Variants in DACH1 observed in about 807,000 individuals in gnomAD.
DACH1 encodes the protein dachshund homolog 1.
DACH1 carries 12 observed loss-of-function variants against 54.2 expected under a neutral mutation model. That is an observed-to-expected ratio of 0.22 (90% CI 0.14 to 0.36). DACH1 has a LOEUF of 0.36. DACH1 is among the 10% of genes least tolerant of loss of function. The probability of loss-of-function intolerance (pLI) is 1.00; values close to 1 mark genes in which losing one functional copy is unlikely to be tolerated. For missense variants in DACH1, 805 were observed against 929.8 expected (o/e 0.87, Z 1.75); for synonymous variants, 386 against 366.2 (o/e 1.05, Z -0.62).
intron 2 of DACH1, among the ~76,000 whole-genome samples, chr13:71,676,646 AAAAG>A (rs1880593971): frequency 6.6e-6 from 1 of 152,250 alleles, no homozygotes; most frequent in Non-Finnish European, 1.5e-5. Context: ...TTAGTAGAAA[AAAAG>A]AAAATTAAAT....
At chr13:71,489,801 A>G (rs1878838694) in intron 6 of DACH1, among the ~76,000 whole-genome samples, 1 of 152,126 alleles carries the variant, frequency 6.6e-6, no homozygotes, top group Non-Finnish European at 1.5e-5. Flanking sequence ...TTCCATACAT[A>G]AAAAACGGTA....
chr13:71,781,564 G>A (rs1886380610), intron 1 of DACH1, among the ~76,000 whole-genome samples: 1 of 151,770 alleles, frequency 6.6e-6, no homozygotes, highest in Non-Finnish European at 1.5e-5. Flanking sequence ...ATTTTTAGTA[G>A]AGACGGGGTT....
intron 3 of DACH1, among the ~76,000 whole-genome samples, chr13:71,613,006 G>A (rs1300812984): frequency 6.6e-6 from 1 of 152,216 alleles, no homozygotes; most frequent in Non-Finnish European, 1.5e-5. Flanking sequence ...TCTCAGGAAG[G>A]ACGATGGTTA....
At chr13:71,820,105 G>GAAAAAAAA (rs59126150) in intron 1 of DACH1, among the ~76,000 whole-genome samples, 212 of 53,794 alleles carry the variant, frequency 3.9e-3, no homozygotes, top group East Asian at 4.6e-3. Flanking sequence ...TGCCTCTACC[G>GAAAAAAAA]AAAAAAAAAA....
intron 10 of DACH1, 116 bp from the exon 11 acceptor site, chr13:71,440,808 T>C (rs1044567827): frequency 1.3e-6 from 1 of 748,126 alleles, no homozygotes; most frequent in Admixed American, 2.9e-5. Flanking sequence ...CTTTACTTGG[T>C]TAAGAAGTAA....
At chr13:71,842,302 C>T (rs1166896648) in intron 1 of DACH1, among the ~76,000 whole-genome samples, 4 of 152,026 alleles carry the variant, frequency 2.6e-5, no homozygotes, top group South Asian at 2.1e-4. Flanking sequence ...TATGGTCGGG[C>T]GTGGTGGCTC....
At chr13:71,630,032 A>G (rs1566391165) in intron 3 of DACH1, among the ~76,000 whole-genome samples, 1 of 152,086 alleles carries the variant, frequency 6.6e-6, no homozygotes, top group African/African-American at 2.4e-5. Flanking sequence ...AAGAAAATTA[A>G]AGTCATATTT....
At chr13:71,865,833 G>A in intron 1 of DACH1, 89 bp downstream of exon 1, 1 of 1,345,020 alleles carries the variant, frequency 7.4e-7, no homozygotes, top group Non-Finnish European at 9.5e-7. Context: ...CGGGCGCGCA[G>A]AGCGAGCGGC....
At chr13:71,612,661 G>A (rs1400153853) in intron 3 of DACH1, among the ~76,000 whole-genome samples, 7 of 152,052 alleles carry the variant, frequency 4.6e-5, no homozygotes, top group South Asian at 4.1e-4. Flanking sequence ...CAATATTAAC[G>A]TTTTATGTTC....
chr13:71,552,574 G>A (rs1413969411), intron 6 of DACH1, among the ~76,000 whole-genome samples: 1 of 151,220 alleles, frequency 6.6e-6, no homozygotes, highest in East Asian at 2.0e-4. Flanking sequence ...AGCGTCAGTG[G>A]ACAAATGTGT....
intron 2 of DACH1, among the ~76,000 whole-genome samples, chr13:71,642,360 G>C (rs538463785): frequency 1.3e-5 from 2 of 152,166 alleles, no homozygotes; most frequent in Non-Finnish European, 2.9e-5. Flanking sequence ...CAAAAGCTTC[G>C]TGAGAAACAC....
chr13:71,475,776 C>T lies in DACH1; in HGVS notation c.1944G>A (p.Thr648=), dbSNP rs867546668. Residue 648 remains threonine, a synonymous_variant, in exon 9 of 11, where the codon ACG becomes ACA. Coordinates refer to ENST00000613252, the MANE Select transcript of DACH1 (RefSeq NM_080759.6). The part of the protein sequence containing the change: ...RKLQEALEFE[T]KRREQAEQTL... ...TCTGTTCTGCTTGTTCACGCCGTTT[C>T]GTCTCAAACTCAAGTGCTTCCTGCA... The T allele has an allele frequency of 3.7e-6, 6 of 1,613,720 alleles. No homozygotes were observed. Among genetic ancestry groups the T allele is most frequent in the East Asian group, 2.2e-5 (1 of 44,842 alleles).
At chr13:71,552,840 TATAGAGAGAGAG>T (rs1566335742) in intron 6 of DACH1, among the ~76,000 whole-genome samples, 2 of 16,862 alleles carry the variant, frequency 1.2e-4, no homozygotes, top group African/African-American at 4.9e-4. Flanking sequence ...TATATATATA[TATAGAGAGAGAG>T]AGAGAGAGAG....
chr13:71,596,907 G>A (rs1874137924), intron 3 of DACH1, among the ~76,000 whole-genome samples: 1 of 152,276 alleles, frequency 6.6e-6, no homozygotes, highest in East Asian at 1.9e-4. Flanking sequence ...CTTGGAGGGG[G>A]CATAAAAGAA....
At chr13:71,630,864 C>A (rs1877046897) in intron 2 of DACH1, 147 bp from the exon 3 acceptor site, 1 of 913,228 alleles carries the variant, frequency 1.1e-6, no homozygotes, top group African/African-American at 1.7e-5. Flanking sequence ...TCATTCCCAA[C>A]TAGACAATGA....
At chr13:71,723,800 C>T (rs1392421177) in intron 1 of DACH1, among the ~76,000 whole-genome samples, 1 of 152,100 alleles carries the variant, frequency 6.6e-6, no homozygotes, top group Non-Finnish European at 1.5e-5. Context: ...TAGTGATCCG[C>T]CCACCTCAGC....
chr13:71,510,146 T>A (rs1394402097), intron 6 of DACH1, among the ~76,000 whole-genome samples: 1 of 152,078 alleles, frequency 6.6e-6, no homozygotes, highest in African/African-American at 2.4e-5. Context: ...AAAACCTCAA[T>A]AGCAGCTTCT....
At chr13:71,768,438 T>A (rs1885725784) in intron 1 of DACH1, among the ~76,000 whole-genome samples, 1 of 152,018 alleles carries the variant, frequency 6.6e-6, no homozygotes, top group Non-Finnish European at 1.5e-5. Context: ...CTTTCCTCTC[T>A]GGCCTATGTC....
chr13:71,762,080 T>G (rs1485654867), intron 1 of DACH1, among the ~76,000 whole-genome samples: 1 of 152,188 alleles, frequency 6.6e-6, no homozygotes, highest in Non-Finnish European at 1.5e-5. Context: ...GTTATGTTAA[T>G]TGTATTAATT....
Sources: gnomAD v4.1 joint callset for allele counts (sites outside exome capture counted in the v4.1 genomes callset) on GRCh38, gnomAD v4.1.1 for gene constraint, MANE v1.5 for transcripts, NCBI Gene and HGNC (gene_info 2026-07-23, HGNC 2026-07-21) for gene names.